SPATA16: variants seen among roughly 807,000 people sequenced by gnomAD.
SPATA16 encodes spermatogenesis associated 16.
In SPATA16, 36 loss-of-function variants were observed where a neutral mutation model predicts 63.3. The observed-to-expected ratio is 0.57, with a 90% CI of 0.44 to 0.75. The LOEUF is 0.75. SPATA16 is among the 30% of genes least tolerant of loss of function. SPATA16 has a pLI of 0.00. For missense variants in SPATA16, 646 were observed against 679.3 expected (o/e 0.95, Z 0.54); for synonymous variants, 203 against 216.7 (o/e 0.94, Z 0.56).
chr3:173,046,836 C>A (rs1735967245), intron 3 of SPATA16, among the ~76,000 whole-genome samples: 1 of 151,950 alleles, frequency 6.6e-6, no homozygotes, highest in African/African-American at 2.4e-5. Flanking sequence ...TTATGCAGTT[C>A]TGCACTATGA....
chr3:173,107,301 C>CCAAA, intron 2 of SPATA16, among the ~76,000 whole-genome samples: 1 of 152,044 alleles, frequency 6.6e-6, no homozygotes, highest in African/African-American at 2.4e-5. Flanking sequence ...CATCATCCAC[C>CCAAA]CAAACAACAC....
At chr3:172,919,273 C>T (rs963538162) in intron 8 of SPATA16, among the ~76,000 whole-genome samples, 1 of 152,250 alleles carries the variant, frequency 6.6e-6, no homozygotes, top group Non-Finnish European at 1.5e-5. Context: ...ATAGTGCCAT[C>T]CAGTAGCATG....
chr3:173,015,468 C>A (rs776427091), intron 4 of SPATA16, among the ~76,000 whole-genome samples: 1 of 152,052 alleles, frequency 6.6e-6, no homozygotes, highest in East Asian at 1.9e-4. Flanking sequence ...AAATAAAGAC[C>A]CTGTGCAATG....
chr3:172,914,111 A>G (rs1732429224), intron 9 of SPATA16, among the ~76,000 whole-genome samples: 1 of 152,180 alleles, frequency 6.6e-6, no homozygotes, highest in South Asian at 2.1e-4. Flanking sequence ...CCTGAGGCTA[A>G]TGTATCATAA....
chr3:173,034,386 T>C (rs1176674585), intron 3 of SPATA16, among the ~76,000 whole-genome samples: 1 of 152,116 alleles, frequency 6.6e-6, no homozygotes, highest in Non-Finnish European at 1.5e-5. Flanking sequence ...TTTTTGATGT[T>C]AGAGTCTTAG....
chr3:172,959,797 T>A (rs1577106867), intron 5 of SPATA16, among the ~76,000 whole-genome samples: 1 of 50,570 alleles, frequency 2.0e-5, no homozygotes, highest in South Asian at 6.2e-4. Context: ...CATATATATA[T>A]ATATATATAT....
chr3:172,903,845 C>T (rs1732178344), intron 10 of SPATA16, among the ~76,000 whole-genome samples: 1 of 152,172 alleles, frequency 6.6e-6, no homozygotes, highest in African/African-American at 2.4e-5. Context: ...AGATGGGCAG[C>T]AAGCTGTGAC....
intron 4 of SPATA16, among the ~76,000 whole-genome samples, chr3:172,992,924 A>G (rs1375732360): frequency 6.6e-6 from 1 of 152,206 alleles, no homozygotes; most frequent in Non-Finnish European, 1.5e-5. Flanking sequence ...AAAGTCTTTT[A>G]CAGAAATCAC....
chr3:173,078,665 C>T (rs1736859670), intron 2 of SPATA16, among the ~76,000 whole-genome samples: 1 of 152,122 alleles, frequency 6.6e-6, no homozygotes, highest in African/African-American at 2.4e-5. Flanking sequence ...ACTTGACTTC[C>T]CAACCGTCAC....
intron 6 of SPATA16, among the ~76,000 whole-genome samples, 183 bp downstream of exon 6, chr3:172,956,494 T>C (rs1279657339): frequency 6.6e-6 from 1 of 152,126 alleles, no homozygotes; most frequent in Non-Finnish European, 1.5e-5. Context: ...CAAGAAATAT[T>C]GTGCTAGAAC....
rs554386822 is a variant in SPATA16, at chr3:173,002,963, T to C, written c.848+16523A>G. On this transcript the variant is annotated intron_variant, in intron 4 of 10. Coordinates refer to ENST00000351008, the MANE Select transcript of SPATA16 (RefSeq NM_031955.6). Reference sequence around the variant, plus strand: ...GGGAAAACTGTAAAATGTTCATAGATATGGAAAACTATGTTAAAGAGCTTG... The same window carrying C: ...GGGAAAACTGTAAAATGTTCATAGACATGGAAAACTATGTTAAAGAGCTTG... Among the ~76,000 whole-genome samples, 44 of 152,304 alleles carry C rather than the reference T, an allele frequency of 2.9e-4. No homozygotes were observed. In the South Asian group the frequency reaches 8.7e-3, roughly 30 times the overall value.
At chr3:172,958,224 AT>A in intron 5 of SPATA16, among the ~76,000 whole-genome samples, 1 of 152,282 alleles carries the variant, frequency 6.6e-6, no homozygotes, top group South Asian at 2.1e-4. Flanking sequence ...CAGACAAGGA[AT>A]TGCTGGACGT....
At chr3:173,106,913 A>C (rs1412562144) in intron 2 of SPATA16, among the ~76,000 whole-genome samples, 2 of 152,156 alleles carry the variant, frequency 1.3e-5, no homozygotes, top group African/African-American at 2.4e-5. Context: ...AAGGATAATA[A>C]GAGTTTCCAA....
Position 173,048,935 on chromosome 3 carries a change from G to T in SPATA16, c.758+14C>A. ...GAACAGCATTTACTTGCACTTATTA[G>T]TATATGATTTTACCTGTGTGCATGA... On this transcript the variant is annotated intron_variant, in intron 3 of 10. Transcript: ENST00000351008. 6.2e-7 allele frequency: 1 copy of T among 1,613,438 alleles called. No individual in the cohort carries two copies. Among genetic ancestry groups the T allele is most frequent in the Non-Finnish European group, 8.5e-7 (1 of 1,179,482 alleles).
intron 10 of SPATA16, among the ~76,000 whole-genome samples, chr3:172,908,516 G>A (rs756394705): frequency 1.3e-5 from 2 of 152,048 alleles, no homozygotes; most frequent in African/African-American, 2.4e-5. Flanking sequence ...TCTCTTTCTG[G>A]GCTCTGAGAG....
At chr3:172,900,798 G>A (rs1021375438) in intron 10 of SPATA16, among the ~76,000 whole-genome samples, 37 of 151,816 alleles carry the variant, frequency 2.4e-4, no homozygotes, top group African/African-American at 8.5e-4. Context: ...ATGCCACCAC[G>A]CCCAGCTAAT....
At chr3:172,906,645 A>G (rs1732243440) in intron 10 of SPATA16, among the ~76,000 whole-genome samples, 2 of 152,202 alleles carry the variant, frequency 1.3e-5, no homozygotes, top group Non-Finnish European at 2.9e-5. Context: ...ATCAAGAAAG[A>G]GTTTAGGCTC....
chr3:172,924,848 A>G lies in SPATA16; in HGVS notation c.1228+498T>C, dbSNP rs1732691981. 2.0e-5 allele frequency among the ~76,000 whole-genome samples: 3 copies of G among 152,126 alleles called. No homozygotes were observed. In the South Asian group the frequency reaches 6.2e-4, roughly 31 times the overall value. ...TTTGAGATTTCAACTCCATGTGAATATTTTCTTGAGTTTTGAAAGTTTCGA... is the reference window on the plus strand; with the variant it reads ...TTTGAGATTTCAACTCCATGTGAATGTTTTCTTGAGTTTTGAAAGTTTCGA... On this transcript the variant is annotated intron_variant, in intron 7 of 10. Transcript: ENST00000351008.
intron 6 of SPATA16, among the ~76,000 whole-genome samples, chr3:172,946,221 C>T (rs1036361776): frequency 3.7e-4 from 57 of 152,170 alleles, no homozygotes; most frequent in African/African-American, 1.3e-3. Context: ...AGGGAGTACT[C>T]ACCGGGCACC....
Sources: allele counts gnomAD v4.1 joint callset (sites outside exome capture counted in the v4.1 genomes callset), GRCh38; gene constraint gnomAD v4.1.1; transcripts MANE v1.5; gene names NCBI Gene and HGNC (gene_info 2026-07-23, HGNC 2026-07-21).